The following CALN1 variants were observed in gnomAD, a reference collection of about 807,000 sequenced individuals.
The protein encoded by CALN1 is calcium-binding protein 8.
Under a neutral mutation model 30.6 loss-of-function variants are expected in CALN1, and 17 were observed. The observed-to-expected ratio is 0.56, with a 90% CI of 0.38 to 0.83. CALN1 has a LOEUF of 0.83. Among genes scored for constraint, CALN1 ranks in the 40% least tolerant of loss-of-function variants. CALN1 has a pLI of 0.00. For missense variants in CALN1, 291 were observed against 354.9 expected (o/e 0.82, Z 1.45); for synonymous variants, 156 against 131.4 (o/e 1.19, Z -1.28).
intron 2 of CALN1, among the ~76,000 whole-genome samples, chr7:72,360,005 G>A (rs1009272378): frequency 8.8e-6 from 1 of 113,868 alleles, no homozygotes; most frequent in Non-Finnish European, 1.8e-5. Context: ...AAGTTGACCT[G>A]GATTCTGCAA....
At chr7:72,411,641 G>A (rs1020769635) in intron 1 of CALN1, among the ~76,000 whole-genome samples, 7 of 152,162 alleles carry the variant, frequency 4.6e-5, no homozygotes, top group Admixed American at 2.6e-4. Flanking sequence ...GAGGAAATAC[G>A]AAAAGTCTTG....
intron 5 of CALN1, among the ~76,000 whole-genome samples, chr7:72,018,964 G>A (rs1800554269): frequency 6.6e-6 from 1 of 151,678 alleles, no homozygotes; most frequent in African/African-American, 2.4e-5. Flanking sequence ...AGCCTCCTGA[G>A]TAGCTGGGAT....
intron 1 of CALN1, among the ~76,000 whole-genome samples, chr7:72,427,893 C>T (rs1380581277): frequency 6.6e-6 from 1 of 152,018 alleles, no homozygotes; most frequent in Non-Finnish European, 1.5e-5. Flanking sequence ...GTTGCGTGGT[C>T]CAGCTGCCTT....
At chr7:72,044,598 A>ATTTTTTTTT (rs1563005478) in intron 4 of CALN1, among the ~76,000 whole-genome samples, 37 of 114,422 alleles carry the variant, frequency 3.2e-4, no homozygotes, top group African/African-American at 1.2e-3. Flanking sequence ...TCCGCTTAAA[A>ATTTTTTTTT]CTTTTTTTTT....
intron 3 of CALN1, among the ~76,000 whole-genome samples, chr7:72,125,799 C>CTTTTTTTTTTT (rs61475416): frequency 2.6e-5 from 3 of 114,774 alleles, no homozygotes; most frequent in Non-Finnish European, 3.5e-5. Flanking sequence ...CTGTATCATT[C>CTTTTTTTTTTT]TTTTTTTTTT....
chr7:72,096,291 C>G (rs1806227510), intron 4 of CALN1, among the ~76,000 whole-genome samples: 1 of 152,126 alleles, frequency 6.6e-6, no homozygotes, highest in Non-Finnish European at 1.5e-5. Context: ...TGACTGAACC[C>G]CTAAGGACAG....
Position 72,083,364 on chromosome 7 carries a change from G to C in CALN1, c.388+22787C>G, listed in dbSNP as rs554430333. On this transcript the variant is annotated intron_variant, in intron 4 of 6. Transcript: ENST00000395275. ...CAAAATGTGAACAAATTGGGGGTTT[G>C]AGCAGAGATATGGAAATTATTTAAA... Among the ~76,000 whole-genome samples, 4 of 152,116 alleles carry C rather than the reference G, an allele frequency of 2.6e-5. No homozygotes were observed. The East Asian group carries it at 7.8e-4, about 30-fold the overall frequency.
chr7:72,487,916 A>AG, the CALN1 span, among the ~76,000 whole-genome samples: 2 of 87,534 alleles, frequency 2.3e-5, no homozygotes, highest in Non-Finnish European at 4.4e-5. Flanking sequence ...GAAAGAAAGA[A>AG]AGAAGGAAGG....
At chr7:71,969,384 C>A (rs4717623) in intron 5 of CALN1, among the ~76,000 whole-genome samples, 1 of 151,880 alleles carries the variant, frequency 6.6e-6, no homozygotes, top group Non-Finnish European at 1.5e-5. Context: ...TCTAACAAAC[C>A]GTTTTATCTT....
At chr7:72,028,080 A>AAAAAATAAAAAAAAATAAAAAAAAAT (rs1801202937) in intron 4 of CALN1, among the ~76,000 whole-genome samples, 2 of 149,802 alleles carry the variant, frequency 1.3e-5, no homozygotes, top group African/African-American at 5.0e-5. Flanking sequence ...AAAAAAAAAA[A>AAAAAATAAAAAAAAATAAAAAAAAAT]AAAAACACAT....
At chr7:71,883,668 T>A (rs1562869964) in intron 5 of CALN1, among the ~76,000 whole-genome samples, 1 of 152,184 alleles carries the variant, frequency 6.6e-6, no homozygotes, top group Non-Finnish European at 1.5e-5. Context: ...CTGCTCCTTG[T>A]GTAAGAGCAG....
intron 2 of CALN1, among the ~76,000 whole-genome samples, chr7:72,307,577 T>C (rs1351500559): frequency 6.6e-6 from 1 of 152,208 alleles, no homozygotes; most frequent in East Asian, 1.9e-4. Flanking sequence ...AGAATAGCTA[T>C]GATATGATAT....
intron 2 of CALN1, among the ~76,000 whole-genome samples, chr7:72,361,606 G>GACC (rs1304967417): frequency 6.6e-6 from 1 of 152,132 alleles, no homozygotes; most frequent in Non-Finnish European, 1.5e-5. Flanking sequence ...TCATACACTG[G>GACC]ACCAAATGAT....
At chr7:72,359,868 T>G (rs1803459195) in intron 2 of CALN1, among the ~76,000 whole-genome samples, 2 of 150,416 alleles carry the variant, frequency 1.3e-5, no homozygotes, top group African/African-American at 2.5e-5. Flanking sequence ...TCCCAGCTAC[T>G]CAGGAGGCTG....
intron 2 of CALN1, among the ~76,000 whole-genome samples, chr7:72,389,817 G>A (rs1340561708): frequency 6.6e-6 from 1 of 152,090 alleles, no homozygotes; most frequent in Non-Finnish European, 1.5e-5. Flanking sequence ...TACTCGGGAG[G>A]CTGAGGCAGG....
chr7:72,481,639 C>T, the CALN1 span, among the ~76,000 whole-genome samples: 1 of 152,134 alleles, frequency 6.6e-6, no homozygotes, highest in Admixed American at 6.5e-5. Context: ...GCATGCAACA[C>T]ATTTTGATGT....
intron 4 of CALN1, among the ~76,000 whole-genome samples, chr7:72,037,673 G>A (rs1801883795): frequency 6.6e-6 from 1 of 152,198 alleles, no homozygotes; most frequent in South Asian, 2.1e-4. Flanking sequence ...GAAACTGTGT[G>A]CAAGCTACTC....
chr7:72,360,582 A>G (rs1803512048), intron 2 of CALN1, among the ~76,000 whole-genome samples: 1 of 151,014 alleles, frequency 6.6e-6, no homozygotes, highest in Non-Finnish European at 1.5e-5. Flanking sequence ...AGAGAAATAA[A>G]TACTGTAACA....
At chr7:72,388,965 G>A (rs940791294) in intron 2 of CALN1, among the ~76,000 whole-genome samples, 1 of 152,094 alleles carries the variant, frequency 6.6e-6, no homozygotes, top group African/African-American at 2.4e-5. Context: ...TCTCTATTTT[G>A]CCCTCTCTCT....
Sources: gnomAD v4.1 joint callset for allele counts (sites outside exome capture counted in the v4.1 genomes callset) on GRCh38, gnomAD v4.1.1 for gene constraint, MANE v1.5 for transcripts, NCBI Gene and HGNC (gene_info 2026-07-23, HGNC 2026-07-21) for gene names.